The following ADGRB3 variants were observed in gnomAD, a reference collection of about 807,000 sequenced individuals.
ADGRB3 encodes brain-specific angiogenesis inhibitor 3.
A neutral mutation model predicts 193.4 loss-of-function variants in ADGRB3; 37 were observed. The observed-to-expected ratio is 0.19, with a 90% CI of 0.15 to 0.25. The LOEUF (loss-of-function observed/expected upper bound fraction) is 0.25. ADGRB3 is among the 10% of genes least tolerant of loss of function. The probability of loss-of-function intolerance (pLI) is 1.00; values close to 1 mark genes in which losing one functional copy is unlikely to be tolerated. For missense variants in ADGRB3, 1,637 were observed against 1,852.9 expected, an observed-to-expected ratio of 0.88 and a Z score of 2.14; for synonymous variants, 690 against 644.2, an observed-to-expected ratio of 1.07 and a Z score of -1.08.
At chr6:69,352,346 C>CAATA (rs1285265790) in intron 26 of ADGRB3, among the ~76,000 whole-genome samples, 4 of 152,150 alleles carry the variant, frequency 2.6e-5, no homozygotes, top group Admixed American at 6.5e-5. Flanking sequence ...AATATTTATT[C>CAATA]AGTTCTTCAG....
rs941242296 is a variant in ADGRB3 at position 68,933,863 on chromosome 6, A to G, written c.869-2656A>G. 3.3e-5 allele frequency among the ~76,000 whole-genome samples: 5 copies of G among 152,152 alleles called. No homozygotes were observed. In the East Asian group the frequency reaches 9.6e-4, roughly 29 times the overall value. ...CACAGGTCTTCTGACTTTAATTGCA[A>G]TGCTTTTCCAGTTTCCTTTTGTGTT... On this transcript the variant is annotated intron_variant, in intron 4 of 31. Transcript: ENST00000370598.
At chr6:68,859,099 A>T (rs1017519189) in intron 3 of ADGRB3, among the ~76,000 whole-genome samples, 1 of 152,120 alleles carries the variant, frequency 6.6e-6, no homozygotes, top group African/African-American at 2.4e-5. Flanking sequence ...CTTCCACCAG[A>T]TATACTAAAT....
chr6:68,999,092 T>C (rs1412365679), intron 11 of ADGRB3, among the ~76,000 whole-genome samples: 1 of 152,186 alleles, frequency 6.6e-6, no homozygotes. Context: ...CCTCATACAA[T>C]AAAAATGTGC....
chr6:69,227,217 C>A (rs964281597), intron 17 of ADGRB3, among the ~76,000 whole-genome samples: 1 of 152,004 alleles, frequency 6.6e-6, no homozygotes, highest in Non-Finnish European at 1.5e-5. Flanking sequence ...CCAAGAAAGG[C>A]CAATAAGGAG....
chr6:68,913,165 C>A (rs1582309539), intron 3 of ADGRB3, among the ~76,000 whole-genome samples: 1 of 152,180 alleles, frequency 6.6e-6, no homozygotes, highest in East Asian at 1.9e-4. Flanking sequence ...ACTTAAATGT[C>A]CCTGTCTGAC....
At chr6:68,887,613 A>T (rs1031598551) in intron 3 of ADGRB3, among the ~76,000 whole-genome samples, 1 of 152,098 alleles carries the variant, frequency 6.6e-6, no homozygotes, top group Admixed American at 6.6e-5. Context: ...CTAAATATCT[A>T]GTGTTGTCTA....
chr6:68,897,694 AAAG>A (rs1377008849), intron 3 of ADGRB3, among the ~76,000 whole-genome samples: 4 of 117,082 alleles, frequency 3.4e-5, no homozygotes, highest in African/African-American at 3.7e-5. Context: ...AGAGAAACAG[AAAG>A]AAGAAAGAAG....
intron 3 of ADGRB3, among the ~76,000 whole-genome samples, chr6:68,724,181 C>T (rs1765633295): frequency 1.3e-5 from 2 of 151,288 alleles, no homozygotes; most frequent in South Asian, 4.2e-4. Flanking sequence ...ATGTACTGGT[C>T]CAGAAATGTT....
At chr6:69,368,524 G>A (rs571057223) in intron 29 of ADGRB3, among the ~76,000 whole-genome samples, 1 of 152,190 alleles carries the variant, frequency 6.6e-6, no homozygotes, top group African/African-American at 2.4e-5. Context: ...GGGAAAGGCA[G>A]GAGGAATAAA....
At chr6:68,866,159 C>CA (rs1465477481) in intron 3 of ADGRB3, among the ~76,000 whole-genome samples, 1 of 152,124 alleles carries the variant, frequency 6.6e-6, no homozygotes, top group Non-Finnish European at 1.5e-5. Flanking sequence ...TCTGTGTCCC[C>CA]ACCCAAATCT....
chr6:68,987,392 C>A (rs1024120441), intron 10 of ADGRB3, among the ~76,000 whole-genome samples: 3 of 152,036 alleles, frequency 2.0e-5, no homozygotes, highest in Non-Finnish European at 4.4e-5. Context: ...AACTACTACT[C>A]AAATAATTTT....
chr6:69,031,641 T>G (rs564144177), intron 13 of ADGRB3, among the ~76,000 whole-genome samples: 2 of 151,354 alleles, frequency 1.3e-5, no homozygotes, highest in East Asian at 3.9e-4. Context: ...TTCTTTCTTT[T>G]TTTATTTTTT....
chr6:68,753,400 A>G (rs1196622258), intron 3 of ADGRB3, among the ~76,000 whole-genome samples: 1 of 152,202 alleles, frequency 6.6e-6, no homozygotes, highest in African/African-American at 2.4e-5. Flanking sequence ...GCCGCGAAGT[A>G]GTAGGTCATC....
At chr6:68,643,225 A>G (rs951989936) in intron 3 of ADGRB3, among the ~76,000 whole-genome samples, 2 of 151,834 alleles carry the variant, frequency 1.3e-5, no homozygotes, top group African/African-American at 4.8e-5. Flanking sequence ...TTGATATTCT[A>G]CTCCCCAAAG....
intron 17 of ADGRB3, among the ~76,000 whole-genome samples, chr6:69,198,314 A>T (rs1765343014): frequency 6.6e-6 from 1 of 152,052 alleles, no homozygotes; most frequent in Non-Finnish European, 1.5e-5. Flanking sequence ...GTGCAGGGTG[A>T]TGGTAATAAA....
At chr6:68,696,624 C>T (rs1282003583) in intron 3 of ADGRB3, among the ~76,000 whole-genome samples, 1 of 151,706 alleles carries the variant, frequency 6.6e-6, no homozygotes, top group East Asian at 1.9e-4. Context: ...ATTTTTTTCA[C>T]ATTATATGAC....
At chr6:69,387,730 T>C (rs1034691252) in intron 31 of ADGRB3, among the ~76,000 whole-genome samples, 4 of 152,052 alleles carry the variant, frequency 2.6e-5, no homozygotes, top group Non-Finnish European at 5.9e-5. Flanking sequence ...ACAGATTGCC[T>C]CTCTTTCTTT....
chr6:69,217,291 A>C (rs909223154), intron 17 of ADGRB3, among the ~76,000 whole-genome samples: 7 of 152,172 alleles, frequency 4.6e-5, no homozygotes, highest in Non-Finnish European at 1.0e-4. Context: ...AGTTCTTATC[A>C]GTACTTGTAC....
chr6:69,150,014 C>A (rs540361066), intron 17 of ADGRB3, among the ~76,000 whole-genome samples: 2 of 150,456 alleles, frequency 1.3e-5, no homozygotes, highest in East Asian at 4.0e-4. Context: ...ACACAAGCAC[C>A]TCTGTGGCCA....
Sources: gnomAD v4.1 joint callset for allele counts (sites outside exome capture counted in the v4.1 genomes callset) on GRCh38, gnomAD v4.1.1 for gene constraint, MANE v1.5 for transcripts, NCBI Gene and HGNC (gene_info 2026-07-23, HGNC 2026-07-21) for gene names.